Variants in SNX18 observed in about 807,000 individuals in gnomAD.
SNX18 encodes sorting nexin 18, also known as sorting nexin-18.
Under a neutral mutation model 48.7 loss-of-function variants are expected in SNX18, and 35 were observed. That is an observed-to-expected ratio of 0.72 (90% CI 0.55 to 0.95). The LOEUF (loss-of-function observed/expected upper bound fraction) is 0.95. Ranked by LOEUF, SNX18 falls within the 40% of genes least tolerant of loss-of-function variation. SNX18 has a pLI of 0.00. For synonymous variants in SNX18, 492 were observed against 384.7 expected, an observed-to-expected ratio of 1.28 and a Z score of -3.26; for missense variants, 824 against 871.0, an observed-to-expected ratio of 0.95 and a Z score of 0.68.
chr5:54,645,707 C>T, the SNX18 span: 2 of 152,216 alleles, frequency 1.3e-5, no homozygotes, highest in Non-Finnish European at 2.9e-5. Flanking sequence ...TTTACATATA[C>T]AGGAAATTTG....
Position 54,518,092 on chromosome 5 carries a change from A to T in SNX18, c.140A>T (p.Asp47Val). The change falls in exon 1 of 2, where the codon GAC becomes GTC. Residue 47 changes from aspartate (D) to valine (V), a missense_variant. Around this residue, in one of 3 missense-constraint regions of SNX18, gnomAD observed 377 missense variants for 350.6 expected, o/e 1.08. Transcript: ENST00000381410. Reference sequence around the variant, plus strand: ...CTCGAGGGGGTCAACAGCCGCGGCGACCGCGGCCTCTTCCCGGCCTCCTAT... The same window carrying T: ...CTCGAGGGGGTCAACAGCCGCGGCGTCCGCGGCCTCTTCCCGGCCTCCTAT... ...GWLEGVNSRG[D>V]RGLFPASYVQ... The T allele has an allele frequency of 6.6e-7, 1 of 1,524,778 alleles. No individual in the cohort carries two copies. Among genetic ancestry groups the T allele is most frequent in the Non-Finnish European group, 8.8e-7 (1 of 1,142,200 alleles). The allele number at this position is 1,524,778 out of a possible 1,614,324, so 94.5% of individuals were successfully genotyped here.
At chr5:54,619,714 A>G in the SNX18 span, among the ~76,000 whole-genome samples, 1 of 152,188 alleles carries the variant, frequency 6.6e-6, no homozygotes, top group African/African-American at 2.4e-5. Context: ...AGGAAAAACA[A>G]ACACAGCTCA....
the SNX18 span, among the ~76,000 whole-genome samples, chr5:54,633,242 C>A: frequency 6.6e-6 from 1 of 152,062 alleles, no homozygotes; most frequent in African/African-American, 2.4e-5. Context: ...TCAGTGAAAT[C>A]GTATCTCAAG....
At chr5:54,591,109 A>C in the SNX18 span, among the ~76,000 whole-genome samples, 2 of 152,008 alleles carry the variant, frequency 1.3e-5, no homozygotes, top group Non-Finnish European at 2.9e-5. Context: ...AAACACCTAA[A>C]GGTACCACTC....
the SNX18 span, chr5:54,645,208 G>A: frequency 2.0e-5 from 3 of 152,318 alleles, no homozygotes; most frequent in Middle Eastern, 3.4e-3. Context: ...AAAATGCCCT[G>A]AGTTATTTGG....
chr5:54,550,298 C>T (rs1343394404), downstream of SNX18, among the ~76,000 whole-genome samples: 3 of 152,106 alleles, frequency 2.0e-5, no homozygotes, highest in African/African-American at 7.2e-5. Flanking sequence ...GAGCTTTCTT[C>T]ACAAATGTTG....
At position 54,545,283 on chromosome 5, in the gene SNX18, T is replaced by G. The variant is rs1762556964; in HGVS notation, c.*1851T>G. ...CCCATATGTATATATAAATGTTAAT[T>G]TTGCGGAAGTCTGGAAATTATAACT... On this transcript the variant is annotated 3_prime_UTR_variant, in exon 2 of 2. Coordinates refer to ENST00000381410, the MANE Select transcript of SNX18 (RefSeq NM_001102575.2). 1.3e-5 allele frequency: 2 copies of G among 152,178 alleles called. No homozygotes were observed. The highest frequency in any genetic ancestry group is 4.1e-4 in the South Asian group (2 of 4,836). 9.4% of individuals were successfully genotyped at this position (152,178 alleles called of 1,614,324 possible).
chr5:54,563,188 T>A, the SNX18 span, among the ~76,000 whole-genome samples: 1 of 152,298 alleles, frequency 6.6e-6, no homozygotes, highest in South Asian at 2.1e-4. Flanking sequence ...AAAAAAATGT[T>A]AAAATAAGTT....
At position 54,518,544 on chromosome 5, in the gene SNX18, C is replaced by T. The variant is rs750232266; in HGVS notation, c.592C>T (p.Arg198Cys). The T allele has an allele frequency of 1.0e-5, 16 of 1,583,908 alleles. No homozygotes were observed. In the South Asian group the frequency reaches 1.4e-4, roughly 14 times the overall value. Residue 198 changes from arginine (R) to cysteine (C), a missense_variant, in exon 1 of 2, where the codon CGC becomes TGC. Arg to Cys is a radical substitution (Grantham distance 180). Coordinates refer to ENST00000381410, the MANE Select transcript of SNX18 (RefSeq NM_001102575.2). ...GAAGRYRLST[R>C]SDLSLGSRGG... ...AGCCGGCCGCTACCGCCTGTCCACG[C>T]GCTCCGACCTGTCCCTGGGTTCCCG...
rs975334908 is a variant in SNX18, at chr5:54,534,574, C to CT, written c.1622-8596dup. On this transcript the variant is annotated intron_variant, in intron 1 of 1. Coordinates refer to ENST00000381410, the MANE Select transcript of SNX18 (RefSeq NM_001102575.2). ...TATGAGGGCTTTTTTTTCTTTCTTTCTTTTTTTTTCCCCCTGTCTCACTTT... is the reference window on the plus strand; with the variant it reads ...TATGAGGGCTTTTTTTTCTTTCTTTCTTTTTTTTTTCCCCCTGTCTCACTTT... 4.6e-5 allele frequency among the ~76,000 whole-genome samples: 7 copies of CT among 150,974 alleles called. No individual in the cohort carries two copies. The East Asian group carries it at 7.8e-4, about 17-fold the overall frequency.
chr5:54,591,658 G>A, the SNX18 span, among the ~76,000 whole-genome samples: 1 of 152,252 alleles, frequency 6.6e-6, no homozygotes, highest in East Asian at 1.9e-4. Context: ...CTAGTAGAAA[G>A]AGAAATATCT....
At chr5:54,519,603 T>C (rs768001286) in intron 1 of SNX18, 30 bp downstream of exon 1, 6 of 1,613,998 alleles carry the variant, frequency 3.7e-6, no homozygotes, top group South Asian at 2.2e-5. Context: ...GCAGGTGATA[T>C]GGAGTGTATT....
At chr5:54,592,938 T>G in the SNX18 span, among the ~76,000 whole-genome samples, 2 of 152,158 alleles carry the variant, frequency 1.3e-5, no homozygotes, top group Admixed American at 1.3e-4. Context: ...GTAGCTGGGA[T>G]TATAGGCGTG....
the SNX18 span, among the ~76,000 whole-genome samples, chr5:54,634,394 C>T: frequency 6.6e-6 from 1 of 152,294 alleles, no homozygotes; most frequent in Non-Finnish European, 1.5e-5. Context: ...TTGGGTTATT[C>T]TCAGTGGATA....
At chr5:54,591,872 G>A in the SNX18 span, among the ~76,000 whole-genome samples, 1 of 152,192 alleles carries the variant, frequency 6.6e-6, no homozygotes, top group South Asian at 2.1e-4. Flanking sequence ...AGCTTTGCAT[G>A]TGCAAGAAAT....
At chr5:54,645,027 C>G in the SNX18 span, 1 of 152,186 alleles carries the variant, frequency 6.6e-6, no homozygotes, top group East Asian at 1.9e-4. Context: ...GGCTTTGTAG[C>G]AAGATCCACA....
chr5:54,643,994 A>T, the SNX18 span: 7 of 152,238 alleles, frequency 4.6e-5, no homozygotes, highest in Non-Finnish European at 8.8e-5. Flanking sequence ...TCAAGGAATG[A>T]ACTGATTGGC....
the SNX18 span, among the ~76,000 whole-genome samples, chr5:54,603,089 A>T: frequency 6.6e-6 from 1 of 152,152 alleles, no homozygotes; most frequent in African/African-American, 2.4e-5. Context: ...TGCATTCATC[A>T]ACCAATTATT....
chr5:54,628,651 G>C, the SNX18 span, among the ~76,000 whole-genome samples: 1 of 152,152 alleles, frequency 6.6e-6, no homozygotes, highest in Non-Finnish European at 1.5e-5. Context: ...ACACAAATCT[G>C]ATCATCCATT....
Sources: allele counts gnomAD v4.1 joint callset (sites outside exome capture counted in the v4.1 genomes callset), GRCh38; gene constraint gnomAD v4.1.1; regional missense constraint gnomAD v4.1.1; transcripts MANE v1.5; gene names NCBI Gene and HGNC (gene_info 2026-07-23, HGNC 2026-07-21).